AMBRA1: variants seen among roughly 807,000 people sequenced by gnomAD.
AMBRA1 encodes activating molecule in BECN1-regulated autophagy protein 1.
A neutral mutation model predicts 125.4 loss-of-function variants in AMBRA1; 47 were observed. The observed-to-expected ratio is 0.37, with a 90% CI of 0.30 to 0.48. The LOEUF (loss-of-function observed/expected upper bound fraction) is 0.48, where lower values mean the gene tolerates loss of function less well. Ranked by LOEUF, AMBRA1 falls within the 20% of genes least tolerant of loss-of-function variation. The pLI is 0.99. For missense variants in AMBRA1, 1,331 were observed against 1,693.4 expected, an observed-to-expected ratio of 0.79 and a Z score of 3.76; for synonymous variants, 626 against 655.5, an observed-to-expected ratio of 0.95 and a Z score of 0.69.
At chr11:46,477,871 T>C (rs1459889001) in intron 11 of AMBRA1, among the ~76,000 whole-genome samples, 1 of 151,624 alleles carries the variant, frequency 6.6e-6, no homozygotes, top group Non-Finnish European at 1.5e-5. Flanking sequence ...AGGTCAGGAG[T>C]TCGAGACCAG....
At chr11:46,509,735 TTAC>T (rs1473356707) in intron 8 of AMBRA1, among the ~76,000 whole-genome samples, 1 of 152,162 alleles carries the variant, frequency 6.6e-6, no homozygotes, top group African/African-American at 2.4e-5. Flanking sequence ...TATGTTGCTG[TTAC>T]TAGGCAAAAA....
At chr11:46,451,769 A>G (rs1948607395) in intron 11 of AMBRA1, 1 of 152,542 alleles carries the variant, frequency 6.6e-6, no homozygotes, top group Middle Eastern at 5.2e-4. Flanking sequence ...ATCATCCTGG[A>G]GACACAATTA....
intron 14 of AMBRA1, among the ~76,000 whole-genome samples, chr11:46,421,203 C>G (rs567763571): frequency 6.8e-4 from 103 of 152,238 alleles, no homozygotes; most frequent in Non-Finnish European, 1.4e-3. Context: ...AATGTTGAGA[C>G]CCCCGGGTTG....
At position 46,434,115 on chromosome 11, in the gene AMBRA1, C is replaced by CAAA. The variant is rs145761376; in HGVS notation, c.2822-490_2822-488dup. ...GGCCAACAAGAGTGAAACTCCGTCTCAAAAAAAAAAAAAAAAAAAAAAGAA... is the reference window on the plus strand; with the variant it reads ...GGCCAACAAGAGTGAAACTCCGTCTCAAAAAAAAAAAAAAAAAAAAAAAAAGAA... On this transcript the variant is annotated intron_variant, in intron 13 of 17. Coordinates refer to ENST00000683756, the MANE Select transcript of AMBRA1 (RefSeq NM_001387011.1). Among the ~76,000 whole-genome samples the CAAA allele has an allele frequency of 5.0e-3, 265 of 53,322 alleles. 3 individuals are homozygous for CAAA. The highest frequency in any genetic ancestry group is 0.012 in the African/African-American group (187 of 15,160). 35.0% of individuals were successfully genotyped at this position (53,322 alleles called of 152,430 possible).
chr11:46,433,425 A>T, intron 14 of AMBRA1, 49 bp downstream of exon 14: 1 of 1,596,804 alleles, frequency 6.3e-7, no homozygotes, highest in Admixed American at 1.7e-5. Context: ...TTACCCTTCC[A>T]AGCCTAGGGG....
chr11:46,516,978 A>G (rs1453952805), intron 7 of AMBRA1, among the ~76,000 whole-genome samples: 3 of 152,088 alleles, frequency 2.0e-5, no homozygotes, highest in African/African-American at 7.2e-5. Context: ...ACAACCAAAC[A>G]AAATACTTCC....
At chr11:46,502,572 A>C (rs1289299066) in intron 9 of AMBRA1, among the ~76,000 whole-genome samples, 1 of 152,162 alleles carries the variant, frequency 6.6e-6, no homozygotes, top group Non-Finnish European at 1.5e-5. Flanking sequence ...AAGTCCTAGA[A>C]ATTCCCGGCT....
At chr11:46,479,653 C>T (rs1418745771) in intron 11 of AMBRA1, among the ~76,000 whole-genome samples, 2 of 151,824 alleles carry the variant, frequency 1.3e-5, no homozygotes, top group East Asian at 1.9e-4. Flanking sequence ...GCTGAGACTA[C>T]ACCACGGCAC....
At chr11:46,480,747 T>C (rs986880262) in intron 11 of AMBRA1, among the ~76,000 whole-genome samples, 7 of 152,072 alleles carry the variant, frequency 4.6e-5, no homozygotes, top group Non-Finnish European at 8.8e-5. Context: ...GCTACATACA[T>C]GAAAAAAATA....
intron 1 of AMBRA1, among the ~76,000 whole-genome samples, chr11:46,590,539 T>G (rs2044560389): frequency 6.6e-6 from 1 of 152,034 alleles, no homozygotes; most frequent in African/African-American, 2.4e-5. Context: ...TATACAAAAC[T>G]AATCTTTTTC....
At chr11:46,465,362 G>A (rs957404803) in intron 11 of AMBRA1, among the ~76,000 whole-genome samples, 2 of 152,116 alleles carry the variant, frequency 1.3e-5, no homozygotes, top group Non-Finnish European at 2.9e-5. Flanking sequence ...TCCTTTCAAC[G>A]GCAATCATCT....
intron 7 of AMBRA1, among the ~76,000 whole-genome samples, chr11:46,520,866 A>G (rs1203702638): frequency 6.6e-6 from 1 of 151,598 alleles, no homozygotes; most frequent in Non-Finnish European, 1.5e-5. Flanking sequence ...CGGCCTCCCA[A>G]AGTGTTGGGA....
intron 17 of AMBRA1, among the ~76,000 whole-genome samples, chr11:46,406,711 T>G (rs1946039551): frequency 6.6e-6 from 1 of 151,268 alleles, no homozygotes; most frequent in South Asian, 2.1e-4. Flanking sequence ...CGAAACCCCG[T>G]CTCTACTAAA....
At chr11:46,483,249 G>C (rs1010416811) in intron 11 of AMBRA1, among the ~76,000 whole-genome samples, 43 of 152,102 alleles carry the variant, frequency 2.8e-4, no homozygotes, top group African/African-American at 9.6e-4. Flanking sequence ...CTGGCTCTGG[G>C]GTGACACTCA....
intron 11 of AMBRA1, among the ~76,000 whole-genome samples, chr11:46,484,522 T>C (rs1256501392): frequency 6.6e-6 from 1 of 152,194 alleles, no homozygotes; most frequent in Non-Finnish European, 1.5e-5. Context: ...AAAGTACAAA[T>C]AAATAGTGGC....
chr11:46,582,376 C>T (rs113130368), intron 1 of AMBRA1, among the ~76,000 whole-genome samples: 1 of 152,152 alleles, frequency 6.6e-6, no homozygotes, highest in African/African-American at 2.4e-5. Context: ...AATTCAGGTT[C>T]CCCTACTATA....
chr11:46,424,667 C>A (rs1029029715), intron 14 of AMBRA1, among the ~76,000 whole-genome samples: 1 of 151,986 alleles, frequency 6.6e-6, no homozygotes, highest in African/African-American at 2.4e-5. Context: ...GCTGACATAG[C>A]AGGATCTGTG....
intron 15 of AMBRA1, among the ~76,000 whole-genome samples, chr11:46,412,548 C>T (rs554351988): frequency 6.6e-6 from 1 of 152,266 alleles, no homozygotes; most frequent in South Asian, 2.1e-4. Context: ...CCTCAGCCTC[C>T]CAAAGTACTG....
At chr11:46,538,631 A>G (rs1260235227) in intron 7 of AMBRA1, among the ~76,000 whole-genome samples, 6 of 152,050 alleles carry the variant, frequency 3.9e-5, no homozygotes, top group Non-Finnish European at 1.5e-5. Context: ...CGTAGCTAGG[A>G]CTACAGGCAT....
Sources: gnomAD v4.1 joint callset for allele counts (sites outside exome capture counted in the v4.1 genomes callset) on GRCh38, gnomAD v4.1.1 for gene constraint, MANE v1.5 for transcripts, NCBI Gene and HGNC (gene_info 2026-07-23, HGNC 2026-07-21) for gene names.